The following CDH13 variants were observed in gnomAD, a reference collection of about 807,000 sequenced individuals.
CDH13 encodes the protein cadherin 13.
A neutral mutation model predicts 63.8 loss-of-function variants in CDH13; 24 were observed. That is an observed-to-expected ratio of 0.38 (90% CI 0.27 to 0.53). CDH13 has a LOEUF of 0.53. Among genes scored for constraint, CDH13 ranks in the 20% least tolerant of loss-of-function variants. The pLI is 0.85. For synonymous variants in CDH13, 503 were observed against 355.3 expected (o/e 1.42, Z -4.67); for missense variants, 1,049 against 903.1 (o/e 1.16, Z -2.07).
At chr16:83,752,100 G>T (rs1380655729) in intron 11 of CDH13, among the ~76,000 whole-genome samples, 2 of 152,242 alleles carry the variant, frequency 1.3e-5, no homozygotes, top group African/African-American at 4.8e-5. Flanking sequence ...ATCCATTACT[G>T]ATCAGCTAAA....
intron 1 of CDH13, among the ~76,000 whole-genome samples, chr16:82,813,407 C>T (rs72805985): frequency 0.073 from 11,075 of 152,132 alleles, 478 homozygotes; most frequent in African/African-American, 0.1. Context: ...TGTTGCATGA[C>T]TCTCAAGATG....
chr16:82,899,108 G>C (rs893337335), intron 2 of CDH13, among the ~76,000 whole-genome samples: 1 of 152,200 alleles, frequency 6.6e-6, no homozygotes, highest in Non-Finnish European at 1.5e-5. Context: ...CAGTTGTCTA[G>C]AGAAATAGAG....
At position 83,415,808 on chromosome 16, in the gene CDH13, G is replaced by A. The variant is rs115799639; in HGVS notation, c.782-70669G>A. On this transcript the variant is annotated intron_variant, in intron 6 of 13. Transcript: ENST00000567109. Reference sequence around the variant, plus strand: ...CATAGCTAACGTCATACTCAACAGTGATAAAACTAAAAGCTTACCTTCTAA... The same window carrying A: ...CATAGCTAACGTCATACTCAACAGTAATAAAACTAAAAGCTTACCTTCTAA... Among the ~76,000 whole-genome samples, 449 of 152,216 alleles carry A rather than the reference G, an allele frequency of 2.9e-3. 5 individuals carry two copies. Among genetic ancestry groups the A allele is most frequent in the African/African-American group, 0.01 (426 of 41,552 alleles).
chr16:82,639,758 G>A (rs1308114177), intron 1 of CDH13, among the ~76,000 whole-genome samples: 1 of 152,222 alleles, frequency 6.6e-6, no homozygotes, highest in African/African-American at 2.4e-5. Context: ...GAGCAAACAT[G>A]TGTTGAGTGC....
intron 7 of CDH13, among the ~76,000 whole-genome samples, chr16:83,581,833 T>C (rs1245491780): frequency 2.0e-5 from 3 of 152,046 alleles, no homozygotes; most frequent in African/African-American, 7.2e-5. Context: ...AATAAATAAA[T>C]AAATAATAAA....
chr16:83,440,781 T>C (rs909150759), intron 6 of CDH13, among the ~76,000 whole-genome samples: 2 of 49,824 alleles, frequency 4.0e-5, no homozygotes, highest in Non-Finnish European at 7.3e-5. Context: ...TGAGACTTCA[T>C]CTCAAAAAAA....
intron 4 of CDH13, among the ~76,000 whole-genome samples, chr16:83,176,019 GT>G (rs201422569): frequency 4.8e-5 from 7 of 145,518 alleles, no homozygotes; most frequent in South Asian, 2.2e-4. Context: ...TTTTGTTTTT[GT>G]TTTTTTTTCA....
intron 8 of CDH13, among the ~76,000 whole-genome samples, chr16:83,633,527 T>C (rs575797525): frequency 2.6e-4 from 40 of 152,212 alleles, no homozygotes; most frequent in Admixed American, 1.0e-3. Flanking sequence ...GAGTTTGTTT[T>C]CATGTTGCAG....
At chr16:83,179,890 G>T in intron 4 of CDH13, among the ~76,000 whole-genome samples, 1 of 146,486 alleles carries the variant, frequency 6.8e-6, no homozygotes, top group Admixed American at 6.8e-5. Flanking sequence ...AATAGGTTAA[G>T]TTTTTTTTTT....
At chr16:83,430,335 C>T (rs1019595428) in intron 6 of CDH13, among the ~76,000 whole-genome samples, 1 of 152,120 alleles carries the variant, frequency 6.6e-6, no homozygotes, top group Non-Finnish European at 1.5e-5. Flanking sequence ...CACACATACT[C>T]CCACACAGCA....
At position 82,973,610 on chromosome 16, in the gene CDH13, C is replaced by G. The variant is rs963418662; in HGVS notation, c.158-58400C>G. Among the ~76,000 whole-genome samples, 9 of 152,322 alleles carry G rather than the reference C, an allele frequency of 5.9e-5. No homozygotes were observed. In the South Asian group the frequency reaches 1.0e-3, roughly 18 times the overall value. ...CAACACAAGACAGTGTGCAAGAATC[C>G]TGTTAAAGACCTGCCCTCACTGAAC... On this transcript the variant is annotated intron_variant, in intron 2 of 13. Coordinates refer to ENST00000567109, the MANE Select transcript of CDH13 (RefSeq NM_001257.5).
In CDH13 at chr16:83,351,233, C is replaced by T. The variant is rs1380835715; in HGVS notation, c.781+6227C>T. Among the ~76,000 whole-genome samples, 4 of 148,150 alleles carry T rather than the reference C, an allele frequency of 2.7e-5. No homozygotes were observed. The East Asian group carries it at 7.8e-4, about 29-fold the overall frequency. ...TGTAGGTTCCTCCATTCTCAACTGC[C>T]CCAACCAATCCTATGTGTTTCTGGA... On this transcript the variant is annotated intron_variant, in intron 6 of 13. Transcript: ENST00000567109.
chr16:82,915,163 A>G (rs1001677937), intron 2 of CDH13, among the ~76,000 whole-genome samples: 4 of 152,254 alleles, frequency 2.6e-5, no homozygotes, highest in Non-Finnish European at 2.9e-5. Context: ...TGGTGGTTAT[A>G]GCGCTAGTAT....
At chr16:83,535,826 C>G (rs1010905046) in intron 7 of CDH13, among the ~76,000 whole-genome samples, 1 of 98,652 alleles carries the variant, frequency 1.0e-5, no homozygotes. Context: ...AAAGAAGGAA[C>G]GAAGGAAAGG....
At chr16:83,549,268 C>G (rs1009662126) in intron 7 of CDH13, among the ~76,000 whole-genome samples, 1 of 152,198 alleles carries the variant, frequency 6.6e-6, no homozygotes, top group Non-Finnish European at 1.5e-5. Context: ...ACATCCCACT[C>G]TCCAGGTCAC....
Position 82,636,103 on chromosome 16 carries a change from A to G in CDH13, c.45+8966A>G, listed in dbSNP as rs970696272. Among the ~76,000 whole-genome samples, 4 of 152,186 alleles carry G rather than the reference A, an allele frequency of 2.6e-5. No homozygotes were observed. In the South Asian group the frequency reaches 8.3e-4, roughly 32 times the overall value. On this transcript the variant is annotated intron_variant, in intron 1 of 13. Transcript: ENST00000567109. ...CAAGAATGGACTAAATCCTATTCAG[A>G]TAATCCAAGAGACATTTAGGTGGAT...
At chr16:82,684,709 T>C (rs1914888542) in intron 1 of CDH13, among the ~76,000 whole-genome samples, 2 of 152,024 alleles carry the variant, frequency 1.3e-5, no homozygotes. Context: ...TTCCAAATGA[T>C]TGAGTGCTTT....
At chr16:82,790,220 A>T (rs2036231722) in intron 1 of CDH13, among the ~76,000 whole-genome samples, 1 of 152,128 alleles carries the variant, frequency 6.6e-6, no homozygotes, top group Non-Finnish European at 1.5e-5. Context: ...GCAGATCATG[A>T]GGTTAGGAGT....
chr16:83,205,069 T>G (rs1434605165), intron 4 of CDH13, among the ~76,000 whole-genome samples: 2 of 152,198 alleles, frequency 1.3e-5, no homozygotes, highest in Non-Finnish European at 2.9e-5. Flanking sequence ...GCCACCATGA[T>G]TACTTTCTGA....
Sources: allele counts gnomAD v4.1 joint callset (sites outside exome capture counted in the v4.1 genomes callset), GRCh38; gene constraint gnomAD v4.1.1; transcripts MANE v1.5; gene names NCBI Gene and HGNC (gene_info 2026-07-23, HGNC 2026-07-21).